PIK3C2B: variants seen among roughly 807,000 people sequenced by gnomAD.
PIK3C2B encodes phosphatidylinositol 4-phosphate 3-kinase C2 domain-containing subunit beta.
PIK3C2B carries 83 observed loss-of-function variants against 184.3 expected under a neutral mutation model. The observed-to-expected ratio is 0.45, with a 90% CI of 0.38 to 0.54. The LOEUF is 0.54. PIK3C2B is among the 20% of genes least tolerant of loss of function. PIK3C2B has a pLI of 0.00. For synonymous variants in PIK3C2B, 779 were observed against 837.6 expected, an observed-to-expected ratio of 0.93 and a Z score of 1.21; for missense variants, 1,736 against 2,113.5, an observed-to-expected ratio of 0.82 and a Z score of 3.50.
At chr1:204,455,784 G>A in intron 11 of PIK3C2B, 72 bp downstream of exon 11, 1 of 1,158,166 alleles carries the variant, frequency 8.6e-7, no homozygotes, top group Non-Finnish European at 1.2e-6. Flanking sequence ...GGTATTACAT[G>A]CAGATAGGAA....
chr1:204,438,027 G>A lies in PIK3C2B; in HGVS notation c.3516+908C>T, dbSNP rs867855436. Among the ~76,000 whole-genome samples, 16 of 152,282 alleles carry A rather than the reference G, an allele frequency of 1.1e-4. No homozygotes were observed. In the Middle Eastern group the frequency reaches 0.017, roughly 162 times the overall value. On this transcript the variant is annotated intron_variant, in intron 23 of 32. Coordinates refer to ENST00000684373, the MANE Select transcript of PIK3C2B (RefSeq NM_001377334.1). ...CCCAGCAGGCCAGGAATTAAGCCCCGGGGAACACAAACACTGAAAGCCATT... is the reference window on the plus strand; with the variant it reads ...CCCAGCAGGCCAGGAATTAAGCCCCAGGGAACACAAACACTGAAAGCCATT...
At chr1:204,439,537 C>T (rs1228383359) in intron 22 of PIK3C2B, among the ~76,000 whole-genome samples, 1 of 152,202 alleles carries the variant, frequency 6.6e-6, no homozygotes, top group African/African-American at 2.4e-5. Context: ...AACAAAGACA[C>T]CATGCCATTG....
In PIK3C2B at chr1:204,484,196, C is replaced by T. The variant is rs1268002545; in HGVS notation, c.-85+10160G>A. 3.9e-5 allele frequency among the ~76,000 whole-genome samples: 6 copies of T among 151,994 alleles called. 1 individual carries two copies. The highest frequency in any genetic ancestry group is 3.9e-4 in the East Asian group (2 of 5,166). On this transcript the variant is annotated intron_variant, in intron 1 of 32. Transcript: ENST00000684373. ...GAAGGAAATATACCTTTTTTTCCCC[C>T]CTCTGGTATTTTGTGCCAGGTATTG...
At position 204,431,699 on chromosome 1, in the gene PIK3C2B, C is replaced by T. The variant is rs1675068731; in HGVS notation, c.4250G>A (p.Arg1417Gln). The T allele has an allele frequency of 3.1e-6, 5 of 1,614,146 alleles. No individual in the cohort carries two copies. The highest frequency in any genetic ancestry group is 2.2e-5 in the East Asian group (1 of 44,886). The change falls in exon 28 of 33, where the codon CGG (arginine) becomes CAG (glutamine). Residue 1417 changes from arginine (R) to glutamine (Q), a missense_variant. Around this residue, in one of 8 missense-constraint regions of PIK3C2B, gnomAD observed 200 missense variants for 199.1 expected, o/e 1.00. Coordinates refer to ENST00000684373, the MANE Select transcript of PIK3C2B (RefSeq NM_001377334.1). Reference protein sequence around the residue: ...EEFQELHNKLRLLFPSSHLPS... With the variant: ...EEFQELHNKLQLLFPSSHLPS... ...CAAGTGGGAAGAAGGGAAGAGCAGC[C>T]GCAACTTATTGTGTAATTCCTGGAA...
chr1:204,481,063 A>C (rs1167025713), intron 1 of PIK3C2B, among the ~76,000 whole-genome samples: 1 of 151,476 alleles, frequency 6.6e-6, no homozygotes, highest in East Asian at 1.9e-4. Context: ...CCCTCCACAT[A>C]CTTTTCCCCC....
intron 8 of PIK3C2B, among the ~76,000 whole-genome samples, chr1:204,459,318 G>A (rs1018609099): frequency 5.3e-5 from 8 of 152,244 alleles, no homozygotes; most frequent in African/African-American, 1.7e-4. Flanking sequence ...CACTCAGCAA[G>A]GGATTATTTT....
intron 1 of PIK3C2B, among the ~76,000 whole-genome samples, chr1:204,479,345 G>C (rs1656952552): frequency 6.6e-6 from 1 of 151,982 alleles, no homozygotes; most frequent in Non-Finnish European, 1.5e-5. Flanking sequence ...GACTCCTCCA[G>C]CTTTCTTGGC....
intron 1 of PIK3C2B, among the ~76,000 whole-genome samples, chr1:204,480,607 G>C (rs1657045004): frequency 6.6e-6 from 1 of 152,106 alleles, no homozygotes; most frequent in Admixed American, 6.5e-5. Context: ...CCCAGGTGGT[G>C]GTGCTGTCTG....
intron 1 of PIK3C2B, among the ~76,000 whole-genome samples, chr1:204,473,872 T>C (rs1159535545): frequency 6.6e-6 from 1 of 151,974 alleles, no homozygotes; most frequent in East Asian, 1.9e-4. Flanking sequence ...TTCCCTTCCC[T>C]CTCCTGTATC....
chr1:204,478,912 C>G (rs1656916123), intron 1 of PIK3C2B, among the ~76,000 whole-genome samples: 1 of 152,210 alleles, frequency 6.6e-6, no homozygotes, highest in Non-Finnish European at 1.5e-5. Flanking sequence ...GACTCCAACT[C>G]AGAGACCCCG....
At chr1:204,458,728 A>C (rs1237832711) in intron 8 of PIK3C2B, among the ~76,000 whole-genome samples, 1 of 152,088 alleles carries the variant, frequency 6.6e-6, no homozygotes, top group Non-Finnish European at 1.5e-5. Flanking sequence ...TCCTGACCTC[A>C]GGTGACCCGC....
At chr1:204,440,346 G>C (rs1183166780) in intron 21 of PIK3C2B, 25 bp from the exon 22 acceptor site, 2 of 1,550,910 alleles carry the variant, frequency 1.3e-6, no homozygotes. Context: ...AAAGTGACCA[G>C]ATCTAATCTC....
chr1:204,454,459 G>A (rs1010137311), intron 12 of PIK3C2B: 26 of 450,404 alleles, frequency 5.8e-5, no homozygotes, highest in Non-Finnish European at 9.4e-5. Context: ...TCCAGCTTGG[G>A]CAACAAAGCG....
chr1:204,492,981 C>T (rs1658106869), intron 1 of PIK3C2B, among the ~76,000 whole-genome samples: 2 of 152,168 alleles, frequency 1.3e-5, no homozygotes, highest in Admixed American at 6.5e-5. Flanking sequence ...TTAATTTTTC[C>T]ATGGACACAA....
At chr1:204,452,288 C>CTTTTTTTTTTTTTTTTTT (rs71145086) in intron 12 of PIK3C2B, among the ~76,000 whole-genome samples, 1 of 71,050 alleles carries the variant, frequency 1.4e-5, no homozygotes, top group African/African-American at 5.5e-5. Flanking sequence ...GTGCAGCACC[C>CTTTTTTTTTTTTTTTTTT]TTTTTTTTTT....
intron 8 of PIK3C2B, 108 bp from the exon 9 acceptor site, chr1:204,457,982 A>G: frequency 1.1e-6 from 1 of 908,238 alleles, no homozygotes; most frequent in Non-Finnish European, 1.7e-6. Flanking sequence ...GAGTAGAGAG[A>G]TTCATGATCC....
chr1:204,457,255 T>C (rs181658636), intron 9 of PIK3C2B, among the ~76,000 whole-genome samples, 185 bp from the exon 10 acceptor site: 6 of 152,250 alleles, frequency 3.9e-5, no homozygotes, highest in Non-Finnish European at 8.8e-5. Flanking sequence ...CAGAGTGAGC[T>C]GACGGAGGAT....
At chr1:204,458,290 A>G (rs979561839) in intron 8 of PIK3C2B, among the ~76,000 whole-genome samples, 1 of 152,110 alleles carries the variant, frequency 6.6e-6, no homozygotes, top group African/African-American at 2.4e-5. Context: ...TCACCTGTCC[A>G]GCTCTGATTA....
chr1:204,434,047 G>A (rs962458852), intron 24 of PIK3C2B, 98 bp from the exon 25 acceptor site: 32 of 932,404 alleles, frequency 3.4e-5, no homozygotes, highest in South Asian at 2.3e-4. Context: ...CCCTCATCAC[G>A]TGGACACACT....
Sources: allele counts gnomAD v4.1 joint callset (sites outside exome capture counted in the v4.1 genomes callset), GRCh38; gene constraint gnomAD v4.1.1; regional missense constraint gnomAD v4.1.1; transcripts MANE v1.5; gene names NCBI Gene and HGNC (gene_info 2026-07-23, HGNC 2026-07-21).